Variants in NMBR observed in about 807,000 individuals in gnomAD.
NMBR encodes the protein neuromedin B receptor.
NMBR carries 16 observed loss-of-function variants against 20.5 expected under a neutral mutation model. That is an observed-to-expected ratio of 0.78 (90% confidence interval 0.53 to 1.19). The LOEUF (loss-of-function observed/expected upper bound fraction) is 1.19. Ranked by LOEUF, NMBR falls within the 50% of genes most tolerant of loss-of-function variation. The probability of loss-of-function intolerance (pLI) is 0.00; values close to 1 mark genes in which losing one functional copy is unlikely to be tolerated. For missense variants in NMBR, 582 were observed against 499.1 expected (o/e 1.17, Z -1.58); for synonymous variants, 212 against 196.6 (o/e 1.08, Z -0.65).
At chr6:142,117,077 TA>T (rs1187795952) in intron 1 of NMBR, among the ~76,000 whole-genome samples, 1 of 152,000 alleles carries the variant, frequency 6.6e-6, no homozygotes, top group East Asian at 1.9e-4. Flanking sequence ...GGCTTCCATT[TA>T]TTTGTGTGTA....
Position 142,088,248 on chromosome 6 carries a change from G to A in NMBR, c.411C>T (p.Leu137=), listed in dbSNP as rs1436451090. The A allele has an allele frequency of 6.2e-7, 1 of 1,611,504 alleles. No individual in the cohort carries two copies. Among genetic ancestry groups the A allele is most frequent in the African/African-American group, 1.3e-5 (1 of 74,908 alleles). Reference sequence around the variant, plus strand: ...ACCTGTGCTCTTACCTGTCGGCGCTGAGGGCAGTGAGAGTGAACACGGAAA... The same window carrying A: ...ACCTGTGCTCTTACCTGTCGGCGCTAAGGGCAGTGAGAGTGAACACGGAAA... ...VGVSVFTLTA[L]SADRYRAIVN... The change falls in exon 2 of 4, where the codon CTC becomes CTT. Residue 137 remains leucine, a synonymous_variant. Coordinates refer to ENST00000258042, the MANE Select transcript of NMBR (RefSeq NM_002511.4).
intron 1 of NMBR, among the ~76,000 whole-genome samples, chr6:142,090,872 T>A (rs763495928): frequency 7.9e-5 from 12 of 151,912 alleles, no homozygotes; most frequent in Non-Finnish European, 1.3e-4. Flanking sequence ...ATTTTTATAT[T>A]CTCCTCCTTG....
intron 1 of NMBR, among the ~76,000 whole-genome samples, chr6:142,146,099 T>C (rs982592090): frequency 6.6e-6 from 1 of 152,116 alleles, no homozygotes; most frequent in Non-Finnish European, 1.5e-5. Flanking sequence ...TGGTAGGAAA[T>C]ATGCCGCTGA....
chr6:142,132,934 C>A (rs941846385), intron 1 of NMBR, among the ~76,000 whole-genome samples: 1 of 152,024 alleles, frequency 6.6e-6, no homozygotes, highest in African/African-American at 2.4e-5. Flanking sequence ...ATGCTCTCTG[C>A]TTTTGTTTCT....
At chr6:142,095,172 A>G (rs1321461231) in intron 1 of NMBR, among the ~76,000 whole-genome samples, 8 of 152,042 alleles carry the variant, frequency 5.3e-5, no homozygotes, top group Non-Finnish European at 1.0e-4. Context: ...TGCCCTGGCC[A>G]GAACTTCCAA....
At chr6:142,099,680 G>GA (rs891687167) in intron 1 of NMBR, among the ~76,000 whole-genome samples, 7 of 151,814 alleles carry the variant, frequency 4.6e-5, no homozygotes, top group Non-Finnish European at 1.0e-4. Flanking sequence ...GATAATCCAA[G>GA]AAAAAAATAA....
At chr6:142,141,507 G>GTT (rs1040912688) in intron 1 of NMBR, among the ~76,000 whole-genome samples, 1 of 144,650 alleles carries the variant, frequency 6.9e-6, no homozygotes, top group African/African-American at 2.5e-5. Context: ...GTGTTGCTTT[G>GTT]TTTTTTTTTT....
In NMBR at chr6:142,074,814, C is replaced by G. The variant is rs1329119670; in HGVS notation, c.*834G>C. Among the ~76,000 whole-genome samples the G allele has an allele frequency of 6.6e-6, 1 of 152,042 alleles. No homozygotes were observed. Among genetic ancestry groups the G allele is most frequent in the Non-Finnish European group, 1.5e-5 (1 of 67,982 alleles). Reference sequence around the variant, plus strand: ...TGAGTTGTAGCTTTGCAATTTGGGACATATGATACCTATTTTACATTCATA... The same window carrying G: ...TGAGTTGTAGCTTTGCAATTTGGGAGATATGATACCTATTTTACATTCATA... On this transcript the variant is annotated 3_prime_UTR_variant, in exon 4 of 4. Transcript: ENST00000258042.
intron 1 of NMBR, among the ~76,000 whole-genome samples, chr6:142,142,118 A>G (rs73579796): frequency 6.6e-5 from 10 of 152,278 alleles, no homozygotes; most frequent in African/African-American, 2.4e-4. Flanking sequence ...AAAAATTTCT[A>G]AATTCCAAAC....
At chr6:142,110,647 G>A (rs781102876) in intron 1 of NMBR, among the ~76,000 whole-genome samples, 18 of 152,100 alleles carry the variant, frequency 1.2e-4, no homozygotes, top group East Asian at 7.7e-4. Context: ...TAAACTTACC[G>A]TGGTGACAGT....
intron 1 of NMBR, among the ~76,000 whole-genome samples, chr6:142,139,551 C>A (rs1415285421): frequency 6.6e-6 from 1 of 152,208 alleles, no homozygotes; most frequent in Non-Finnish European, 1.5e-5. Context: ...TTAAAGCCAA[C>A]TTCCTCGGCC....
chr6:142,090,909 A>G (rs2114569302), intron 1 of NMBR, among the ~76,000 whole-genome samples: 1 of 152,150 alleles, frequency 6.6e-6, no homozygotes, highest in Middle Eastern at 3.4e-3. Flanking sequence ...ATCATTTAGA[A>G]GAGAAAAAAA....
In NMBR at chr6:142,088,439, T is replaced by G; in HGVS notation, c.220A>C (p.Met74Leu). 2 of 1,613,968 alleles carry G rather than the reference T, an allele frequency of 1.2e-6. No homozygotes were observed. The highest frequency in any genetic ancestry group is 1.3e-5 in the African/African-American group (1 of 74,990). ...LVKIFITNSAMRSVPNIFISN... is the reference protein window; with the variant it reads ...LVKIFITNSALRSVPNIFISN... ...ATGAAGATGTTGGGGACGCTCCTCATGGCGCTGTTGGTGATGAAGATCTTC... is the reference window on the plus strand; with the variant it reads ...ATGAAGATGTTGGGGACGCTCCTCAGGGCGCTGTTGGTGATGAAGATCTTC... The change falls in exon 2 of 4, where the codon ATG becomes CTG. Residue 74 changes from methionine (M) to leucine (L), a missense_variant. Physicochemically the swap from Met to Leu is conservative, Grantham distance 15. Transcript: ENST00000258042.
At chr6:142,088,109 CCT>C (rs1325042676) in intron 2 of NMBR, 126 bp downstream of exon 2, 1 of 832,448 alleles carries the variant, frequency 1.2e-6, no homozygotes, top group African/African-American at 1.7e-5. Flanking sequence ...ACACTCTCTC[CCT>C]CTCTTCCTCT....
Position 142,088,468 on chromosome 6 carries a change from AG to A in NMBR, c.190del (p.Leu64TrpfsTer2). Reference sequence around the variant, plus strand: ...GCTGTTGGTGATGAAGATCTTCACCAGCATGATGTTGCCCAGCAAGCCCACG... The same window carrying A: ...GCTGTTGGTGATGAAGATCTTCACCACATGATGTTGCCCAGCAAGCCCACG... ...ITVGLLGNIM[L>X]VKIFITNSAM... On this transcript the variant is annotated frameshift_variant, in exon 2 of 4. Coordinates refer to ENST00000258042, the MANE Select transcript of NMBR (RefSeq NM_002511.4). LOFTEE classifies it high-confidence loss of function. The A allele has an allele frequency of 1.2e-6, 2 of 1,614,130 alleles. No homozygotes were observed. Among genetic ancestry groups the A allele is most frequent in the Non-Finnish European group, 1.7e-6 (2 of 1,180,016 alleles).
chr6:142,135,103 G>T, intron 1 of NMBR: 1 of 330,924 alleles, frequency 3.0e-6, no homozygotes, highest in South Asian at 1.1e-4. Context: ...TTTTAATTTT[G>T]ATCACTTTTA....
At chr6:142,102,153 C>A (rs1379611261) in intron 1 of NMBR, among the ~76,000 whole-genome samples, 1 of 152,102 alleles carries the variant, frequency 6.6e-6, no homozygotes, top group African/African-American at 2.4e-5. Context: ...CTTTGGGAGG[C>A]TGAGGCAGGC....
chr6:142,112,548 G>C (rs1359681242), intron 1 of NMBR, among the ~76,000 whole-genome samples: 2 of 152,150 alleles, frequency 1.3e-5, no homozygotes, highest in African/African-American at 2.4e-5. Context: ...AGTACAATCA[G>C]CCTGCCTTTA....
At chr6:142,091,927 T>G (rs1220984971) in intron 1 of NMBR, among the ~76,000 whole-genome samples, 1 of 152,188 alleles carries the variant, frequency 6.6e-6, no homozygotes, top group East Asian at 1.9e-4. Flanking sequence ...TAAGTGAATA[T>G]GAAGAATTTG....
Sources: allele counts gnomAD v4.1 joint callset (sites outside exome capture counted in the v4.1 genomes callset), GRCh38; gene constraint gnomAD v4.1.1; transcripts MANE v1.5; gene names NCBI Gene and HGNC (gene_info 2026-07-23, HGNC 2026-07-21).